MPZL1: variants seen among roughly 807,000 people sequenced by gnomAD.
The protein encoded by MPZL1 is myelin protein zero like 1.
Under a neutral mutation model 29.3 loss-of-function variants are expected in MPZL1, and 16 were observed. The ratio of observed to expected loss-of-function variants is 0.55; its 90% confidence interval spans 0.37 to 0.83. The LOEUF is 0.83. Among genes scored for constraint, MPZL1 ranks in the 40% least tolerant of loss-of-function variants. The probability of loss-of-function intolerance (pLI) is 0.00; values close to 1 mark genes in which losing one functional copy is unlikely to be tolerated. For synonymous variants in MPZL1, 143 were observed against 132.0 expected (o/e 1.08, Z -0.57); for missense variants, 279 against 332.9 (o/e 0.84, Z 1.26).
intron 1 of MPZL1, among the ~76,000 whole-genome samples, chr1:167,754,237 G>A (rs1017847285): frequency 1.3e-5 from 2 of 151,898 alleles, no homozygotes; most frequent in African/African-American, 4.8e-5. Flanking sequence ...GAGCTCAAGC[G>A]ATCCACCCAC....
At chr1:167,742,170 G>A (rs1036615873) in intron 1 of MPZL1, among the ~76,000 whole-genome samples, 2 of 151,950 alleles carry the variant, frequency 1.3e-5, no homozygotes, top group South Asian at 2.1e-4. Context: ...GCCCTCACCT[G>A]TAGTCCCAGC....
chr1:167,767,783 C>T (rs1444702052), intron 2 of MPZL1, among the ~76,000 whole-genome samples: 5 of 119,530 alleles, frequency 4.2e-5, no homozygotes, highest in Admixed American at 3.3e-4. Flanking sequence ...CTTCTGTTTC[C>T]CTTTTCTGCT....
chr1:167,750,509 G>A (rs72697767), intron 1 of MPZL1, among the ~76,000 whole-genome samples: 8,668 of 152,056 alleles, frequency 0.057, 382 homozygotes, highest in Non-Finnish European at 0.096. Flanking sequence ...GCCCACCCAG[G>A]TTTTTCAGAT....
intron 1 of MPZL1, among the ~76,000 whole-genome samples, chr1:167,761,507 GA>G (rs1660987687): frequency 6.6e-6 from 1 of 152,142 alleles, no homozygotes; most frequent in Non-Finnish European, 1.5e-5. Context: ...ATGGTGTCTG[GA>G]CATAGGGAGG....
chr1:167,730,032 A>G (rs1660230168), intron 1 of MPZL1, among the ~76,000 whole-genome samples: 1 of 152,196 alleles, frequency 6.6e-6, no homozygotes, highest in African/African-American at 2.4e-5. Context: ...ATTTTGGGGA[A>G]GATTCTGGAA....
chr1:167,760,194 C>CTTTTG (rs1206274962), intron 1 of MPZL1, among the ~76,000 whole-genome samples: 7 of 152,044 alleles, frequency 4.6e-5, no homozygotes, highest in South Asian at 2.1e-4. Context: ...AGATAGGTTT[C>CTTTTG]TTTTGTTTTG....
chr1:167,774,913 T>C (rs528948786), intron 4 of MPZL1: 1 of 152,370 alleles, frequency 6.6e-6, no homozygotes, highest in African/African-American at 2.4e-5. Flanking sequence ...TCTCCCTTGT[T>C]GATGACTAAC....
At chr1:167,733,994 C>T (rs1040623896) in intron 1 of MPZL1, among the ~76,000 whole-genome samples, 17 of 151,762 alleles carry the variant, frequency 1.1e-4, no homozygotes, top group East Asian at 7.8e-4. Context: ...CGGTGGCTCA[C>T]GCCTGTAATC....
chr1:167,771,511 C>T (rs1464540372), intron 2 of MPZL1, among the ~76,000 whole-genome samples: 1 of 152,178 alleles, frequency 6.6e-6, no homozygotes, highest in Non-Finnish European at 1.5e-5. Context: ...GCTGTCTCTT[C>T]GGAGCTGTTG....
intron 1 of MPZL1, among the ~76,000 whole-genome samples, chr1:167,729,778 A>G (rs533825790): frequency 6.6e-6 from 1 of 152,298 alleles, no homozygotes; most frequent in East Asian, 1.9e-4. Flanking sequence ...GCTCTCATTT[A>G]TTGAGTGCTT....
intron 2 of MPZL1, among the ~76,000 whole-genome samples, chr1:167,767,477 A>G (rs2101784479): frequency 6.6e-6 from 1 of 152,312 alleles, no homozygotes; most frequent in Admixed American, 6.5e-5. Context: ...CATAACTCAA[A>G]ACTTAATATT....
Position 167,748,189 on chromosome 1 carries a change from A to G in MPZL1, c.92-17394A>G, listed in dbSNP as rs534277507. On this transcript the variant is annotated intron_variant, in intron 1 of 5. Transcript: ENST00000359523. ...GGATTGCTATTGCTGAGTCATCATA[A>G]CTCTGTGTTTAACCATTTGAGGACC... Among the ~76,000 whole-genome samples, 31 of 152,264 alleles carry G rather than the reference A, an allele frequency of 2.0e-4. No homozygotes were observed. In the South Asian group the frequency reaches 6.0e-3, roughly 30 times the overall value.
intron 1 of MPZL1, among the ~76,000 whole-genome samples, chr1:167,744,977 G>A (rs1030748722): frequency 2.0e-5 from 3 of 152,150 alleles, no homozygotes; most frequent in African/African-American, 7.2e-5. Context: ...TACCATATGT[G>A]CACCAGGACG....
intron 1 of MPZL1, among the ~76,000 whole-genome samples, chr1:167,738,709 T>TC (rs34300157): frequency 0.2 from 31,067 of 151,816 alleles, 5,056 homozygotes; most frequent in African/African-American, 0.45. Flanking sequence ...ATGTAGCACA[T>TC]CCTCCTCTCT....
chr1:167,781,237 G>A (rs1006371024), intron 5 of MPZL1, among the ~76,000 whole-genome samples: 2 of 152,182 alleles, frequency 1.3e-5, no homozygotes, highest in African/African-American at 4.8e-5. Context: ...AGACTTAACA[G>A]TGAAACCAGT....
chr1:167,782,030 A>G (rs1363309673), intron 5 of MPZL1, among the ~76,000 whole-genome samples: 1 of 152,062 alleles, frequency 6.6e-6, no homozygotes, highest in Non-Finnish European at 1.5e-5. Flanking sequence ...TCTATGCTCT[A>G]AGTCTCTTAA....
intron 1 of MPZL1, among the ~76,000 whole-genome samples, chr1:167,746,893 A>G (rs1660658567): frequency 6.6e-6 from 1 of 152,170 alleles, no homozygotes; most frequent in Admixed American, 6.5e-5. Flanking sequence ...TAAGTTTGTT[A>G]TTCTTGCTGT....
At chr1:167,750,769 G>A (rs145188705) in intron 1 of MPZL1, among the ~76,000 whole-genome samples, 15 of 152,266 alleles carry the variant, frequency 9.9e-5, no homozygotes, top group African/African-American at 3.4e-4. Flanking sequence ...TTTGGATGAT[G>A]CCCGTTGATC....
chr1:167,722,516 G>T (rs1660055302), intron 1 of MPZL1, among the ~76,000 whole-genome samples: 1 of 152,102 alleles, frequency 6.6e-6, no homozygotes, highest in Non-Finnish European at 1.5e-5. Context: ...CTTCCCGGGG[G>T]GCGGTCCAGG....
Sources: allele counts gnomAD v4.1 joint callset (sites outside exome capture counted in the v4.1 genomes callset), GRCh38; gene constraint gnomAD v4.1.1; transcripts MANE v1.5; gene names NCBI Gene and HGNC (gene_info 2026-07-23, HGNC 2026-07-21).